ZNF407: variants seen among roughly 807,000 people sequenced by gnomAD.
ZNF407 encodes zinc finger protein 407.
In ZNF407, 17 loss-of-function variants were observed where a neutral mutation model predicts 131.2. That is an observed-to-expected ratio of 0.13 (90% CI 0.09 to 0.19). The LOEUF is 0.19. Among genes scored for constraint, ZNF407 ranks in the 10% least tolerant of loss-of-function variants. ZNF407 has a pLI of 1.00. For synonymous variants in ZNF407, 1,156 were observed against 1,062.0 expected (o/e 1.09, Z -1.72); for missense variants, 2,681 against 2,830.6 (o/e 0.95, Z 1.20).
intron 8 of ZNF407, among the ~76,000 whole-genome samples, chr18:74,927,108 G>A (rs1025293636): frequency 1.4e-4 from 21 of 152,148 alleles, no homozygotes; most frequent in Non-Finnish European, 5.9e-5. Flanking sequence ...ATCGTAAATA[G>A]TATCTGTGCC....
At chr18:74,743,849 G>A (rs917208432) in intron 3 of ZNF407, among the ~76,000 whole-genome samples, 1 of 152,050 alleles carries the variant, frequency 6.6e-6, no homozygotes, top group East Asian at 1.9e-4. Context: ...TTGAAATTGT[G>A]ATGTGTTTTA....
chr18:74,827,531 C>T (rs1480676391), intron 4 of ZNF407, among the ~76,000 whole-genome samples: 1 of 152,012 alleles, frequency 6.6e-6, no homozygotes, highest in Non-Finnish European at 1.5e-5. Flanking sequence ...CTCATCAAGC[C>T]ACCTCATGTG....
chr18:74,962,412 G>A lies in ZNF407; in HGVS notation c.5428+41720G>A, dbSNP rs116296513. ...TCTGTCAGATGCATACTGACATGGC[G>A]TGGGCCCCTGTTTCTCCAGCACAGA... On this transcript the variant is annotated intron_variant, in intron 8 of 8. Coordinates refer to ENST00000299687, the MANE Select transcript of ZNF407 (RefSeq NM_017757.3). Among the ~76,000 whole-genome samples the A allele has an allele frequency of 5.7e-3, 873 of 152,270 alleles. 10 individuals carry two copies. Among genetic ancestry groups the A allele is most frequent in the African/African-American group, 0.019 (800 of 41,560 alleles).
At chr18:74,802,884 G>A (rs1412863033) in intron 4 of ZNF407, among the ~76,000 whole-genome samples, 4 of 152,134 alleles carry the variant, frequency 2.6e-5, no homozygotes, top group Non-Finnish European at 4.4e-5. Flanking sequence ...CATTAAGCCA[G>A]CAATCAACCA....
At chr18:74,922,851 G>A (rs1183299640) in intron 8 of ZNF407, among the ~76,000 whole-genome samples, 1 of 152,156 alleles carries the variant, frequency 6.6e-6, no homozygotes, top group African/African-American at 2.4e-5. Context: ...GGGGAAGATG[G>A]GCTCCAACTT....
chr18:74,819,485 A>G (rs545918778), intron 4 of ZNF407, among the ~76,000 whole-genome samples: 7 of 152,186 alleles, frequency 4.6e-5, no homozygotes, highest in Non-Finnish European at 7.4e-5. Flanking sequence ...GATCACCCCA[A>G]TGTCTTCCTT....
chr18:74,705,796 G>C (rs1211488246), intron 3 of ZNF407, among the ~76,000 whole-genome samples: 1 of 152,186 alleles, frequency 6.6e-6, no homozygotes, highest in Non-Finnish European at 1.5e-5. Flanking sequence ...TAAGGTCTTG[G>C]TGTGAGATGT....
chr18:74,692,667 G>A (rs1967254425), intron 3 of ZNF407, among the ~76,000 whole-genome samples: 1 of 152,032 alleles, frequency 6.6e-6, no homozygotes, highest in Non-Finnish European at 1.5e-5. Context: ...TTAAGTTTTT[G>A]GTCACAGGAT....
At chr18:74,658,638 A>G (rs1212056468) in intron 3 of ZNF407, among the ~76,000 whole-genome samples, 2 of 152,236 alleles carry the variant, frequency 1.3e-5, no homozygotes, top group African/African-American at 2.4e-5. Context: ...AAAAATAACC[A>G]TAAAATAATT....
intron 3 of ZNF407, among the ~76,000 whole-genome samples, chr18:74,678,629 G>T (rs1966908524): frequency 6.6e-6 from 1 of 152,132 alleles, no homozygotes. Context: ...ACTCTTCAGT[G>T]TCTTCAGTCA....
chr18:74,939,119 A>G (rs527344409), intron 8 of ZNF407, among the ~76,000 whole-genome samples: 12 of 152,332 alleles, frequency 7.9e-5, no homozygotes, highest in Non-Finnish European at 1.6e-4. Flanking sequence ...ACATATATTT[A>G]TAATTTTAGG....
At chr18:74,774,130 A>T (rs903705947) in intron 3 of ZNF407, among the ~76,000 whole-genome samples, 1 of 152,258 alleles carries the variant, frequency 6.6e-6, no homozygotes, top group African/African-American at 2.4e-5. Context: ...GTAATAGATT[A>T]TAAAATATGG....
At chr18:74,852,189 ACACACACACG>A (rs11278897) in intron 4 of ZNF407, among the ~76,000 whole-genome samples, 41,884 of 137,382 alleles carry the variant, frequency 0.3, 6,020 homozygotes, top group Non-Finnish European at 0.33. Flanking sequence ...ACACACACAC[ACACACACACG>A]CACGCACGCA....
chr18:74,645,737 C>T (rs1381019958), intron 3 of ZNF407, among the ~76,000 whole-genome samples: 1 of 151,688 alleles, frequency 6.6e-6, no homozygotes, highest in African/African-American at 2.4e-5. Context: ...ATGTCACTTT[C>T]TGACCTTTGC....
At chr18:74,678,130 A>AT (rs940098155) in intron 3 of ZNF407, among the ~76,000 whole-genome samples, 1 of 151,988 alleles carries the variant, frequency 6.6e-6, no homozygotes, top group African/African-American at 2.4e-5. Context: ...CTCGTTATTT[A>AT]TTTTTTTAAT....
chr18:74,792,874 C>A, intron 4 of ZNF407, among the ~76,000 whole-genome samples: 1 of 152,112 alleles, frequency 6.6e-6, no homozygotes, highest in Non-Finnish European at 1.5e-5. Flanking sequence ...AAAGACACGT[C>A]AATTGTGGAG....
At chr18:74,962,429 C>T (rs905968109) in intron 8 of ZNF407, among the ~76,000 whole-genome samples, 2 of 152,208 alleles carry the variant, frequency 1.3e-5, no homozygotes, top group African/African-American at 4.8e-5. Flanking sequence ...CCTGTTTCTC[C>T]AGCACAGAGG....
intron 4 of ZNF407, among the ~76,000 whole-genome samples, chr18:74,851,036 G>A (rs1460121685): frequency 3.9e-5 from 6 of 152,054 alleles, no homozygotes; most frequent in African/African-American, 2.4e-5. Flanking sequence ...TGTTACTTAC[G>A]GTGTTCTTTG....
At chr18:74,824,269 TA>T (rs1442116438) in intron 4 of ZNF407, among the ~76,000 whole-genome samples, 1 of 152,252 alleles carries the variant, frequency 6.6e-6, no homozygotes, top group East Asian at 1.9e-4. Context: ...AGGAAAGATG[TA>T]AATTCCACAC....
Sources: gnomAD v4.1 joint callset for allele counts (sites outside exome capture counted in the v4.1 genomes callset) on GRCh38, gnomAD v4.1.1 for gene constraint, MANE v1.5 for transcripts, NCBI Gene and HGNC (gene_info 2026-07-23, HGNC 2026-07-21) for gene names.